CHST11: variants seen among roughly 807,000 people sequenced by gnomAD.
The protein encoded by CHST11 is carbohydrate sulfotransferase 11.
A neutral mutation model predicts 30.4 loss-of-function variants in CHST11; 9 were observed. The ratio of observed to expected loss-of-function variants is 0.30; its 90% CI spans 0.18 to 0.52. The LOEUF (loss-of-function observed/expected upper bound fraction) is 0.52. Ranked by LOEUF, CHST11 falls within the 20% of genes least tolerant of loss-of-function variation. The pLI is 0.97. For missense variants in CHST11, 348 were observed against 460.6 expected (o/e 0.76, Z 2.24); for synonymous variants, 152 against 187.8 (o/e 0.81, Z 1.56).
At chr12:104,677,195 A>G (rs1039974904) in intron 2 of CHST11, among the ~76,000 whole-genome samples, 1 of 152,186 alleles carries the variant, frequency 6.6e-6, no homozygotes, top group African/African-American at 2.4e-5. Flanking sequence ...TTACTTTTCA[A>G]TTATTTTTAA....
intron 2 of CHST11, among the ~76,000 whole-genome samples, chr12:104,743,505 C>A (rs1210637997): frequency 1.3e-5 from 2 of 152,192 alleles, no homozygotes; most frequent in Admixed American, 1.3e-4. Context: ...GAGGCACCAA[C>A]CCTACAGGGA....
At chr12:104,516,708 A>G (rs1333854110) in intron 1 of CHST11, among the ~76,000 whole-genome samples, 1 of 152,030 alleles carries the variant, frequency 6.6e-6, no homozygotes, top group Non-Finnish European at 1.5e-5. Flanking sequence ...GGGAGCCCCT[A>G]GGATGAGTTG....
At chr12:104,623,497 G>A (rs1211113147) in intron 2 of CHST11, among the ~76,000 whole-genome samples, 1 of 152,142 alleles carries the variant, frequency 6.6e-6, no homozygotes, top group Non-Finnish European at 1.5e-5. Flanking sequence ...GATCACCTGA[G>A]GCTGGGAGTT....
intron 1 of CHST11, among the ~76,000 whole-genome samples, chr12:104,580,955 G>C (rs866930725): frequency 6.6e-6 from 1 of 152,202 alleles, no homozygotes; most frequent in Non-Finnish European, 1.5e-5. Context: ...ATCGTGAAAA[G>C]CAAGTGAAGC....
chr12:104,516,731 C>T (rs373773278), intron 1 of CHST11, among the ~76,000 whole-genome samples: 2 of 152,042 alleles, frequency 1.3e-5, no homozygotes, highest in South Asian at 2.1e-4. Flanking sequence ...ACCTAAGTCA[C>T]CACTGGGCAT....
chr12:104,669,570 C>T (rs1197341129), intron 2 of CHST11, among the ~76,000 whole-genome samples: 1 of 152,188 alleles, frequency 6.6e-6, no homozygotes, highest in Non-Finnish European at 1.5e-5. Flanking sequence ...TCCAGGCCTA[C>T]ATTGTGTTTG....
chr12:104,529,259 T>C (rs2038157908), intron 1 of CHST11, among the ~76,000 whole-genome samples: 1 of 152,240 alleles, frequency 6.6e-6, no homozygotes, highest in Non-Finnish European at 1.5e-5. Context: ...GATTCCTTCC[T>C]TGGTTTAGGT....
chr12:104,513,551 A>G (rs2037991049), intron 1 of CHST11, among the ~76,000 whole-genome samples: 1 of 152,128 alleles, frequency 6.6e-6, no homozygotes, highest in African/African-American at 2.4e-5. Flanking sequence ...CAACACAACC[A>G]ATTTTCTGTG....
At chr12:104,598,284 C>T (rs915675385) in intron 1 of CHST11, among the ~76,000 whole-genome samples, 2 of 152,150 alleles carry the variant, frequency 1.3e-5, no homozygotes, top group African/African-American at 4.8e-5. Context: ...AACCAAAAGC[C>T]CCCAGTGGTC....
chr12:104,563,493 A>G (rs180766736), intron 1 of CHST11, among the ~76,000 whole-genome samples: 7 of 152,266 alleles, frequency 4.6e-5, no homozygotes, highest in Middle Eastern at 3.4e-3. Flanking sequence ...TGTCTCATTC[A>G]TCTTTGTATT....
intron 1 of CHST11, among the ~76,000 whole-genome samples, chr12:104,524,431 A>G (rs2038104193): frequency 6.6e-6 from 1 of 152,182 alleles, no homozygotes; most frequent in South Asian, 2.1e-4. Flanking sequence ...GTTTAAAAAT[A>G]TATATCCAGC....
intron 1 of CHST11, among the ~76,000 whole-genome samples, chr12:104,532,488 G>A (rs1406442548): frequency 6.6e-6 from 1 of 152,196 alleles, no homozygotes; most frequent in Non-Finnish European, 1.5e-5. Flanking sequence ...CCGATGCAGA[G>A]GTACATAGGG....
intron 2 of CHST11, among the ~76,000 whole-genome samples, chr12:104,696,183 A>G (rs961146394): frequency 1.2e-4 from 18 of 151,776 alleles, no homozygotes; most frequent in African/African-American, 3.4e-4. Context: ...CACCCACCCT[A>G]CCTTTTTTCT....
At chr12:104,666,214 G>A (rs545498196) in intron 2 of CHST11, among the ~76,000 whole-genome samples, 20 of 152,248 alleles carry the variant, frequency 1.3e-4, no homozygotes, top group African/African-American at 4.8e-4. Flanking sequence ...TTTGGTAGGG[G>A]TTTAGAATAT....
At chr12:104,506,227 T>C (rs1162332082) in intron 1 of CHST11, among the ~76,000 whole-genome samples, 1 of 152,216 alleles carries the variant, frequency 6.6e-6, no homozygotes, top group African/African-American at 2.4e-5. Context: ...TGTCCTGAAA[T>C]ACTCAAGTCA....
At chr12:104,586,771 G>C (rs1476361810) in intron 1 of CHST11, among the ~76,000 whole-genome samples, 1 of 152,224 alleles carries the variant, frequency 6.6e-6, no homozygotes, top group Non-Finnish European at 1.5e-5. Flanking sequence ...TAAATGCAAA[G>C]TAAACGTATA....
At chr12:104,635,568 CTG>C (rs1414147206) in intron 2 of CHST11, among the ~76,000 whole-genome samples, 21 of 152,210 alleles carry the variant, frequency 1.4e-4, no homozygotes, top group Admixed American at 1.4e-3. Flanking sequence ...CTAAAAATGA[CTG>C]TGTTGATGGC....
intron 2 of CHST11, among the ~76,000 whole-genome samples, chr12:104,681,081 CTCT>C (rs1432622551): frequency 1.3e-5 from 2 of 152,218 alleles, no homozygotes; most frequent in Non-Finnish European, 2.9e-5. Flanking sequence ...TAAAGGTTCT[CTCT>C]TCTTGCAGTC....
intron 2 of CHST11, among the ~76,000 whole-genome samples, chr12:104,622,224 T>C (rs2136061338): frequency 6.6e-6 from 1 of 152,332 alleles, no homozygotes; most frequent in Non-Finnish European, 1.5e-5. Flanking sequence ...TCCTTGTACA[T>C]ATTCATAAGA....
Sources: allele counts gnomAD v4.1 joint callset (sites outside exome capture counted in the v4.1 genomes callset), GRCh38; gene constraint gnomAD v4.1.1; transcripts MANE v1.5; gene names NCBI Gene and HGNC (gene_info 2026-07-23, HGNC 2026-07-21).